PRKCE: variants seen among roughly 807,000 people sequenced by gnomAD.
The protein encoded by PRKCE is protein kinase C epsilon type.
In PRKCE, 16 loss-of-function variants were observed where a neutral mutation model predicts 85.4. That is an observed-to-expected ratio of 0.19 (90% CI 0.13 to 0.28). PRKCE has a LOEUF of 0.28. PRKCE is among the 10% of genes least tolerant of loss of function. The pLI, the probability that PRKCE is intolerant of heterozygous loss-of-function variation, is 1.00. For missense variants in PRKCE, 573 were observed against 975.2 expected (o/e 0.59, Z 5.49); for synonymous variants, 388 against 371.5 (o/e 1.04, Z -0.51).
intron 11 of PRKCE, among the ~76,000 whole-genome samples, chr2:46,096,137 G>A (rs969488387): frequency 6.6e-6 from 1 of 152,234 alleles, no homozygotes; most frequent in African/African-American, 2.4e-5. Context: ...TCAGAAGAAT[G>A]AGGCTGAATC....
chr2:45,952,972 C>G (rs1203140039), intron 2 of PRKCE, among the ~76,000 whole-genome samples: 1 of 152,230 alleles, frequency 6.6e-6, no homozygotes, highest in Non-Finnish European at 1.5e-5. Context: ...ACCCTGACAT[C>G]TCATTTTATG....
intron 1 of PRKCE, among the ~76,000 whole-genome samples, chr2:45,679,305 C>T (rs1428532289): frequency 1.3e-5 from 2 of 152,164 alleles, no homozygotes; most frequent in Non-Finnish European, 2.9e-5. Context: ...ATTATTTCCA[C>T]TAAGATTGAG....
At chr2:45,699,509 A>G (rs1459907203) in intron 1 of PRKCE, among the ~76,000 whole-genome samples, 1 of 152,196 alleles carries the variant, frequency 6.6e-6, no homozygotes, top group Admixed American at 6.5e-5. Context: ...GACACCACAC[A>G]GAGCCCGTCT....
At chr2:45,887,787 G>A (rs1395490867) in intron 2 of PRKCE, among the ~76,000 whole-genome samples, 3 of 152,196 alleles carry the variant, frequency 2.0e-5, no homozygotes, top group Non-Finnish European at 4.4e-5. Context: ...GGTGCCTCTT[G>A]GACTTTGCTT....
In PRKCE at chr2:46,138,594, C is replaced by T. The variant is rs146223244; in HGVS notation, c.1593-6499C>T. Among the ~76,000 whole-genome samples the T allele has an allele frequency of 1.2e-4, 19 of 152,242 alleles. No homozygotes were observed. The East Asian group carries it at 1.4e-3, about 11-fold the overall frequency. ...CAAATCTCTGTCTGGCTTAGTGATCCGGGCCAGGCCGTGTTAGAGCCCTGA... is the reference window on the plus strand; with the variant it reads ...CAAATCTCTGTCTGGCTTAGTGATCTGGGCCAGGCCGTGTTAGAGCCCTGA... On this transcript the variant is annotated intron_variant, in intron 11 of 14. Coordinates refer to ENST00000306156, the MANE Select transcript of PRKCE (RefSeq NM_005400.3). This position sits in a 1 kb window ranked among gnomAD's most constrained non-coding sequence, Gnocchi z 4.2.
chr2:46,159,904 T>G lies in PRKCE; in HGVS notation c.2067+152T>G. ...GTGGCTGAGGCTCTCCCTAAGACAA[T>G]GTCTTTAGGCCCCAAGTGTTTACTA... On this transcript the variant is annotated intron_variant, in intron 14 of 14. Coordinates refer to ENST00000306156, the MANE Select transcript of PRKCE (RefSeq NM_005400.3). This position sits in a 1 kb window ranked among gnomAD's most constrained non-coding sequence, Gnocchi z 4.1. 1 of 896,842 alleles carries G rather than the reference T, an allele frequency of 1.1e-6. No individual in the cohort carries two copies. Among genetic ancestry groups the G allele is most frequent in the East Asian group, 2.9e-5 (1 of 34,640 alleles). 55.6% of individuals were successfully genotyped at this position (896,842 alleles called of 1,614,324 possible). A position where few individuals can be genotyped will look rare whatever the true frequency, so the allele number is the denominator to read the frequency against.
intron 1 of PRKCE, among the ~76,000 whole-genome samples, chr2:45,654,594 G>T (rs1353981439): frequency 6.6e-6 from 1 of 152,248 alleles, no homozygotes; most frequent in African/African-American, 2.4e-5. Flanking sequence ...TCCATGTGCT[G>T]TGTCCCTGAC....
chr2:46,173,451 C>T (rs1023878517), intron 14 of PRKCE, among the ~76,000 whole-genome samples: 10 of 152,242 alleles, frequency 6.6e-5, no homozygotes, highest in Non-Finnish European at 1.2e-4. Flanking sequence ...CTTTTGCTTA[C>T]AAATGATTGA....
In PRKCE at chr2:45,973,907, A is replaced by G. The variant is rs1965202; in HGVS notation, c.413-2522A>G. ...TTTCCCAGGATGAAAACAACTAGTC[A>G]ATTTGAGAGATTTGTAAATCAAATT... On this transcript the variant is annotated intron_variant, in intron 2 of 14. Coordinates refer to ENST00000306156, the MANE Select transcript of PRKCE (RefSeq NM_005400.3). 2.2e-3 allele frequency among the ~76,000 whole-genome samples: 342 copies of G among 152,334 alleles called. 3 individuals are homozygous for G. Among genetic ancestry groups the G allele is most frequent in the Non-Finnish European group, 2.7e-3 (187 of 68,026 alleles).
chr2:45,976,084 G>C (rs751238), intron 2 of PRKCE, among the ~76,000 whole-genome samples: 123,609 of 152,050 alleles, frequency 0.81, 50,866 homozygotes, highest in East Asian at 0.97. Context: ...AGGAGTTGCA[G>C]TAAGATGCGA....
chr2:45,749,074 G>C (rs1010310122), intron 1 of PRKCE, among the ~76,000 whole-genome samples: 10 of 152,038 alleles, frequency 6.6e-5, no homozygotes, highest in Admixed American at 3.3e-4. Flanking sequence ...ATTTTTAGTA[G>C]AGACGGGGTT....
intron 11 of PRKCE, among the ~76,000 whole-genome samples, chr2:46,116,501 C>A (rs1672780277): frequency 6.6e-6 from 1 of 152,318 alleles, no homozygotes; most frequent in Admixed American, 6.5e-5. Context: ...ACTGTTGACA[C>A]TTTGAATCAA....
rs549390551 is a variant in PRKCE at position 45,796,467 on chromosome 2, G to T, written c.349-46533G>T. Among the ~76,000 whole-genome samples the T allele has an allele frequency of 5.3e-5, 8 of 152,214 alleles. No individual in the cohort carries two copies. In the South Asian group the frequency reaches 1.7e-3, roughly 32 times the overall value. ...TGGGTGCCACATAATACAAGCATTG[G>T]CTGCTATTATATCTCTTATGATGAT... On this transcript the variant is annotated intron_variant, in intron 1 of 14. Transcript: ENST00000306156.
chr2:46,112,909 C>T (rs1672410827), intron 11 of PRKCE, among the ~76,000 whole-genome samples: 1 of 152,068 alleles, frequency 6.6e-6, no homozygotes, highest in Non-Finnish European at 1.5e-5. Flanking sequence ...AGAAAAATCA[C>T]CAGTTGTAGG....
intron 10 of PRKCE, among the ~76,000 whole-genome samples, chr2:46,058,221 G>A (rs1366997677): frequency 6.6e-6 from 1 of 152,228 alleles, no homozygotes; most frequent in Non-Finnish European, 1.5e-5. Flanking sequence ...TGCTGCTTCT[G>A]CAGACTTGAG....
Position 46,007,676 on chromosome 2 carries a change from C to G in PRKCE, c.1263+15C>G. 1 of 1,598,016 alleles carries G rather than the reference C, an allele frequency of 6.3e-7. No individual in the cohort carries two copies. The highest frequency in any genetic ancestry group is 1.1e-5 in the South Asian group (1 of 90,982). ...GCTTTGGCAAGGTCTGTGGCACACA[C>G]GGGTGGAACTGCTGGTTTTGTTCTA... On this transcript the variant is annotated intron_variant, in intron 9 of 14. Transcript: ENST00000306156.
At position 45,870,814 on chromosome 2, in the gene PRKCE, G is replaced by A. The variant is rs145804318; in HGVS notation, c.412+27751G>A. 2.3e-3 allele frequency among the ~76,000 whole-genome samples: 356 copies of A among 152,238 alleles called. 3 individuals carry two copies. Among genetic ancestry groups the A allele is most frequent in the African/African-American group, 8.3e-3 (345 of 41,542 alleles). The stretch of plus-strand genomic sequence containing the variant: ...TGGGGGTGCTAATTCTCTCTCCTTC[G>A]CTTGTAGTGGTCAAACGAGGTGAGT... On this transcript the variant is annotated intron_variant, in intron 2 of 14. Coordinates refer to ENST00000306156, the MANE Select transcript of PRKCE (RefSeq NM_005400.3).
chr2:45,837,024 G>C (rs1016625915), intron 1 of PRKCE, among the ~76,000 whole-genome samples: 1 of 152,184 alleles, frequency 6.6e-6, no homozygotes, highest in African/African-American at 2.4e-5. Flanking sequence ...TGGTTAGGAA[G>C]CTTGACTTTG....
intron 6 of PRKCE, among the ~76,000 whole-genome samples, chr2:45,999,478 T>G (rs1704491403): frequency 6.6e-6 from 1 of 152,112 alleles, no homozygotes. Flanking sequence ...AAAACTTTTT[T>G]TTTTCCTTTG....
Sources: gnomAD v4.1 joint callset for allele counts (sites outside exome capture counted in the v4.1 genomes callset) on GRCh38, gnomAD v4.1.1 for gene constraint, Gnocchi (gnomAD v3.1) non-coding constraint, MANE v1.5 for transcripts, NCBI Gene and HGNC (gene_info 2026-07-23, HGNC 2026-07-21) for gene names.